IRAG1: variants seen among roughly 807,000 people sequenced by gnomAD.
The protein encoded by IRAG1 is IP3R-associated cGMP kinase substrate.
A neutral mutation model predicts 106.2 loss-of-function variants in IRAG1; 62 were observed. The observed-to-expected ratio is 0.58, with a 90% CI of 0.48 to 0.72. IRAG1 has a LOEUF of 0.72. IRAG1 is among the 30% of genes least tolerant of loss of function. The pLI, the probability that IRAG1 is intolerant of heterozygous loss-of-function variation, is 0.00. For missense variants in IRAG1, 1,064 were observed against 1,140.7 expected (o/e 0.93, Z 0.97); for synonymous variants, 462 against 443.9 (o/e 1.04, Z -0.51).
At chr11:10,579,538 A>G (rs1851177863) in intron 20 of IRAG1, among the ~76,000 whole-genome samples, 1 of 152,190 alleles carries the variant, frequency 6.6e-6, no homozygotes. Context: ...ACTAATAGAG[A>G]CAACATAGCT....
At chr11:10,613,330 G>A (rs1426000543) in intron 10 of IRAG1, among the ~76,000 whole-genome samples, 1 of 150,994 alleles carries the variant, frequency 6.6e-6, no homozygotes. Context: ...GAAATCAGCT[G>A]GTCCCAGCTT....
At chr11:10,623,546 CTA>C (rs1855997846) in intron 10 of IRAG1, among the ~76,000 whole-genome samples, 1 of 152,176 alleles carries the variant, frequency 6.6e-6, no homozygotes, top group Non-Finnish European at 1.5e-5. Context: ...TCCAGGCCCA[CTA>C]GATGCCAGCA....
At chr11:10,676,349 C>G (rs1860668881) in intron 1 of IRAG1, among the ~76,000 whole-genome samples, 1 of 152,236 alleles carries the variant, frequency 6.6e-6, no homozygotes. Context: ...GGGGCAGCTG[C>G]ATTTTCGCCC....
At chr11:10,674,152 G>A (rs752056928) in intron 1 of IRAG1, among the ~76,000 whole-genome samples, 10 of 152,214 alleles carry the variant, frequency 6.6e-5, no homozygotes, top group South Asian at 2.1e-4. Context: ...TGAGCTCAGA[G>A]GTAAGAGACA....
At position 10,626,534 on chromosome 11, in the gene IRAG1, A is replaced by T. The variant is rs755486682; in HGVS notation, c.800T>A (p.Val267Glu). The change falls in exon 9 of 21, where the codon GTG becomes GAG. Residue 267 changes from valine (V) to glutamate (E), a missense_variant. Physicochemically the swap from Val to Glu is moderately radical, Grantham distance 121. Transcript: ENST00000423302. The stretch of plus-strand genomic sequence containing the variant: ...ACGAGGAGCCAGCCTGCCCTGAGAC[A>T]CTTTCCTCTGGTCATTCTGCTTCCT... ...ADRKQNDQRK[V>E]SQGRLAPRPP... is the part of the protein sequence containing the mutation. The T allele has an allele frequency of 6.2e-7, 1 of 1,613,000 alleles. No homozygotes were observed. Among genetic ancestry groups the T allele is most frequent in the East Asian group, 2.2e-5 (1 of 44,892 alleles).
chr11:10,606,819 T>C (rs377566946), intron 11 of IRAG1, 47 bp from the exon 12 acceptor site: 31 of 1,538,124 alleles, frequency 2.0e-5, no homozygotes, highest in East Asian at 7.2e-5. Flanking sequence ...ACCTAGTCAA[T>C]AGACCCAAAG....
At chr11:10,661,814 C>T (rs1859426721) in intron 1 of IRAG1, among the ~76,000 whole-genome samples, 1 of 152,100 alleles carries the variant, frequency 6.6e-6, no homozygotes, top group Admixed American at 6.5e-5. Flanking sequence ...GGCCCTTTTG[C>T]CATTTAAGGT....
At chr11:10,680,539 G>GAAA (rs1491547949) in intron 1 of IRAG1, among the ~76,000 whole-genome samples, 32 of 127,374 alleles carry the variant, frequency 2.5e-4, no homozygotes, top group African/African-American at 6.5e-4. Context: ...AAGGAAGGAA[G>GAAA]GGGAAGGGGA....
At chr11:10,627,089 C>T (rs1856298870) in intron 8 of IRAG1, among the ~76,000 whole-genome samples, 1 of 152,148 alleles carries the variant, frequency 6.6e-6, no homozygotes, top group Admixed American at 6.5e-5. Flanking sequence ...TCTTCCTGCT[C>T]AGAAGCTCTA....
At chr11:10,658,121 G>A (rs888175376) in intron 1 of IRAG1, among the ~76,000 whole-genome samples, 9 of 152,216 alleles carry the variant, frequency 5.9e-5, no homozygotes, top group African/African-American at 1.7e-4. Context: ...CTCCCCACAG[G>A]AGATCTGCTG....
chr11:10,638,746 T>C (rs1002605430), intron 2 of IRAG1, among the ~76,000 whole-genome samples: 6 of 152,130 alleles, frequency 3.9e-5, no homozygotes, highest in Non-Finnish European at 4.4e-5. Context: ...CTGGCATGCA[T>C]TGATGAGGAT....
At chr11:10,632,188 TTC>T (rs1856749206) in intron 3 of IRAG1, 127 bp from the exon 4 acceptor site, 1 of 665,598 alleles carries the variant, frequency 1.5e-6, no homozygotes, top group Admixed American at 3.3e-5. Context: ...CCTTCTTTCT[TTC>T]TTTTTTTTTT....
At chr11:10,678,849 CA>C (rs1262298329) in intron 1 of IRAG1, among the ~76,000 whole-genome samples, 1 of 152,152 alleles carries the variant, frequency 6.6e-6, no homozygotes, top group Non-Finnish European at 1.5e-5. Context: ...GGTCTTCTGT[CA>C]CCTTCTGCAA....
chr11:10,671,791 T>C (rs527768671), intron 1 of IRAG1, among the ~76,000 whole-genome samples: 4 of 152,220 alleles, frequency 2.6e-5, no homozygotes, highest in Non-Finnish European at 4.4e-5. Flanking sequence ...TGTAAAACTT[T>C]TACTCTGAGA....
chr11:10,618,799 G>A (rs1443277604), intron 10 of IRAG1, among the ~76,000 whole-genome samples: 2 of 152,206 alleles, frequency 1.3e-5, no homozygotes, highest in Non-Finnish European at 2.9e-5. Context: ...ATATGCTGGG[G>A]AAGTGGGTGG....
At chr11:10,635,787 G>C (rs952699426) in intron 2 of IRAG1, among the ~76,000 whole-genome samples, 1 of 152,300 alleles carries the variant, frequency 6.6e-6, no homozygotes, top group East Asian at 1.9e-4. Flanking sequence ...GAAGTCTCTG[G>C]GTGAGAGTCC....
At chr11:10,680,534 A>AGGAAGGGGAAGGGGAAGGGGAAGG (rs769019874) in intron 1 of IRAG1, among the ~76,000 whole-genome samples, 2 of 141,234 alleles carry the variant, frequency 1.4e-5, no homozygotes, top group African/African-American at 5.4e-5. Context: ...AAAGGAAGGA[A>AGGAAGGGGAAGGGGAAGGGGAAGG]GGAAGGGGAA....
intron 18 of IRAG1, among the ~76,000 whole-genome samples, chr11:10,586,708 G>A (rs995362429): frequency 1.8e-4 from 27 of 152,092 alleles, no homozygotes; most frequent in African/African-American, 4.6e-4. Flanking sequence ...ATGAGCCACC[G>A]CACCTGGCCC....
intron 1 of IRAG1, 146 bp downstream of exon 1, chr11:10,693,390 T>C: frequency 7.1e-7 from 1 of 1,412,852 alleles, no homozygotes; most frequent in East Asian, 2.5e-5. Flanking sequence ...GATACTCAGC[T>C]GAAATGCCAC....
Sources: gnomAD v4.1 joint callset for allele counts (sites outside exome capture counted in the v4.1 genomes callset) on GRCh38, gnomAD v4.1.1 for gene constraint, MANE v1.5 for transcripts, NCBI Gene and HGNC (gene_info 2026-07-23, HGNC 2026-07-21) for gene names.